AGBL1: variants seen among roughly 807,000 people sequenced by gnomAD.
AGBL1 encodes cytosolic carboxypeptidase 4.
In AGBL1, 130 loss-of-function variants were observed where a neutral mutation model predicts 118.9. The ratio of observed to expected loss-of-function variants is 1.09; its 90% confidence interval spans 0.95 to 1.26. The LOEUF (loss-of-function observed/expected upper bound fraction) is 1.26, where lower values mean the gene tolerates loss of function less well. Ranked by LOEUF, AGBL1 falls within the 50% of genes most tolerant of loss-of-function variation. The pLI is 0.00. For missense variants in AGBL1, 1,584 were observed against 1,298.1 expected, an observed-to-expected ratio of 1.22 and a Z score of -3.38; for synonymous variants, 555 against 478.9, an observed-to-expected ratio of 1.16 and a Z score of -2.08.
chr15:86,941,911 A>G (rs2080756926), intron 23 of AGBL1, among the ~76,000 whole-genome samples: 1 of 152,234 alleles, frequency 6.6e-6, no homozygotes, highest in African/African-American at 2.4e-5. Context: ...AATTAGTGCT[A>G]GCTGGTGGAA....
At chr15:86,751,049 A>G (rs765091895) in intron 22 of AGBL1, among the ~76,000 whole-genome samples, 2 of 152,276 alleles carry the variant, frequency 1.3e-5, no homozygotes, top group Middle Eastern at 3.4e-3. Context: ...GTCAGTAGGA[A>G]TGTAGGTTGA....
At position 86,705,083 on chromosome 15, in the gene AGBL1, A is replaced by G. The variant is rs57090737; in HGVS notation, c.3158+30647A>G. On this transcript the variant is annotated intron_variant, in intron 22 of 22. Transcript: ENST00000614907. ...TCACTCATAAGTGGGAGTCGAACAA[A>G]GAGAACACATGGACACAGGGAGGGA... Among the ~76,000 whole-genome samples the G allele has an allele frequency of 8.5e-5, 13 of 152,212 alleles. No homozygotes were observed. In the East Asian group the frequency reaches 2.5e-3, roughly 30 times the overall value.
At chr15:86,534,003 C>T (rs1325475261) in intron 19 of AGBL1, among the ~76,000 whole-genome samples, 1 of 116,336 alleles carries the variant, frequency 8.6e-6, no homozygotes, top group East Asian at 2.9e-4. Context: ...GGGAGATATA[C>T]CTAATGCTAG....
chr15:86,854,082 A>G (rs1183197518), intron 22 of AGBL1, among the ~76,000 whole-genome samples: 1 of 152,156 alleles, frequency 6.6e-6, no homozygotes, highest in African/African-American at 2.4e-5. Context: ...GAGTTGCAAT[A>G]ACACAAATCT....
chr15:86,991,149 T>C, intron 24 of AGBL1, among the ~76,000 whole-genome samples: 1 of 152,230 alleles, frequency 6.6e-6, no homozygotes, highest in East Asian at 1.9e-4. Context: ...ATTCTCGCTG[T>C]CTTCTCCCAT....
intron 20 of AGBL1, among the ~76,000 whole-genome samples, chr15:86,553,922 G>T (rs936338251): frequency 6.6e-6 from 1 of 151,650 alleles, no homozygotes. Flanking sequence ...GTGCAGTGGC[G>T]CAATCTCAGC....
chr15:86,468,509 C>T (rs2082436442), intron 18 of AGBL1, among the ~76,000 whole-genome samples: 1 of 152,136 alleles, frequency 6.6e-6, no homozygotes, highest in Admixed American at 6.5e-5. Context: ...CACAGAGGAG[C>T]TTGGAAACAC....
intron 23 of AGBL1, among the ~76,000 whole-genome samples, chr15:86,939,983 G>A (rs569610035): frequency 1.4e-4 from 20 of 147,324 alleles, no homozygotes; most frequent in African/African-American, 5.0e-4. Context: ...CCAGGCTCAA[G>A]CAATCCTCCC....
intron 21 of AGBL1, among the ~76,000 whole-genome samples, chr15:86,641,335 A>G (rs1418015392): frequency 6.6e-6 from 1 of 152,156 alleles, no homozygotes; most frequent in Non-Finnish European, 1.5e-5. Flanking sequence ...ATATACAAAT[A>G]ACGTATAGAA....
intron 5 of AGBL1, among the ~76,000 whole-genome samples, chr15:86,165,706 A>C (rs990931551): frequency 8.5e-5 from 13 of 152,090 alleles, no homozygotes; most frequent in Non-Finnish European, 1.9e-4. Context: ...GCATGGCCTC[A>C]CAGTGGGGCT....
chr15:86,636,428 C>T (rs1304960989), intron 21 of AGBL1, among the ~76,000 whole-genome samples: 2 of 150,590 alleles, frequency 1.3e-5, no homozygotes, highest in Non-Finnish European at 3.0e-5. Flanking sequence ...CGATTTAAAA[C>T]ATACAGAGAA....
intron 21 of AGBL1, among the ~76,000 whole-genome samples, chr15:86,602,268 C>G (rs1012324477): frequency 3.3e-5 from 5 of 152,110 alleles, no homozygotes; most frequent in African/African-American, 1.2e-4. Context: ...TAAAAATTTC[C>G]TCCTTCATAG....
intron 22 of AGBL1, among the ~76,000 whole-genome samples, chr15:86,805,294 C>G (rs1215916699): frequency 6.6e-6 from 1 of 151,796 alleles, no homozygotes; most frequent in Non-Finnish European, 1.5e-5. Context: ...CATATAGTGA[C>G]TTAACTGAGC....
chr15:86,285,620 C>T (rs544026835), intron 16 of AGBL1, among the ~76,000 whole-genome samples: 1 of 152,300 alleles, frequency 6.6e-6, no homozygotes, highest in African/African-American at 2.4e-5. Flanking sequence ...TCGATTAAAC[C>T]TCTTTCCTTT....
chr15:86,953,562 T>G (rs929540233), intron 23 of AGBL1, among the ~76,000 whole-genome samples: 28 of 151,986 alleles, frequency 1.8e-4, no homozygotes, highest in Non-Finnish European at 3.5e-4. Context: ...AGCTCAATTT[T>G]GTACCTTTTG....
At chr15:86,665,858 C>T (rs1369838492) in intron 21 of AGBL1, among the ~76,000 whole-genome samples, 2 of 151,870 alleles carry the variant, frequency 1.3e-5, no homozygotes, top group African/African-American at 2.4e-5. Context: ...TTTCCTGTTG[C>T]CTGAAGGGCT....
chr15:86,758,428 C>T (rs2077973676), intron 22 of AGBL1, among the ~76,000 whole-genome samples: 1 of 152,044 alleles, frequency 6.6e-6, no homozygotes, highest in East Asian at 1.9e-4. Flanking sequence ...ATGTATCATA[C>T]CATGCAAATT....
chr15:86,875,513 T>C (rs1440525109), intron 22 of AGBL1, among the ~76,000 whole-genome samples: 4 of 152,248 alleles, frequency 2.6e-5, no homozygotes, highest in Non-Finnish European at 4.4e-5. Context: ...GTGTCTGACT[T>C]GCATCTGTTC....
At chr15:86,643,166 A>T (rs941865257) in intron 21 of AGBL1, among the ~76,000 whole-genome samples, 1 of 152,190 alleles carries the variant, frequency 6.6e-6, no homozygotes, top group African/African-American at 2.4e-5. Context: ...CTGGCTCCTT[A>T]TAAGCTCATA....
Sources: allele counts gnomAD v4.1 joint callset (sites outside exome capture counted in the v4.1 genomes callset), GRCh38; gene constraint gnomAD v4.1.1; transcripts MANE v1.5; gene names NCBI Gene and HGNC (gene_info 2026-07-23, HGNC 2026-07-21).